The following TPD52L2 variants were observed in gnomAD, a reference collection of about 807,000 sequenced individuals.
TPD52L2 encodes tumor protein D54.
TPD52L2 carries 19 observed loss-of-function variants against 24.7 expected under a neutral mutation model. The ratio of observed to expected loss-of-function variants is 0.77; its 90% CI spans 0.54 to 1.13. TPD52L2 has a LOEUF of 1.13. TPD52L2 is among the 50% of genes most tolerant of loss of function. The pLI is 0.00. For missense variants in TPD52L2, 236 were observed against 250.4 expected (o/e 0.94, Z 0.39); for synonymous variants, 104 against 100.2 (o/e 1.04, Z -0.23).
chr20:63,870,624 C>T lies in TPD52L2; in HGVS notation c.165+1183C>T, dbSNP rs190779922. ...CTGCAACCTCCAACACCCGGGTTCA[C>T]GCCATTCTCCTGCCTCAGCCTCCTG... On this transcript the variant is annotated intron_variant, in intron 2 of 6. Transcript: ENST00000346249. Among the ~76,000 whole-genome samples, 1,036 of 146,104 alleles carry T rather than the reference C, an allele frequency of 7.1e-3. 3 individuals are homozygous for T. Among genetic ancestry groups the T allele is most frequent in the Middle Eastern group, 0.011 (3 of 280 alleles).
rs1336474095 is a variant in TPD52L2, at chr20:63,869,404, A to G, written c.128A>G (p.Glu43Gly). The G allele has an allele frequency of 6.2e-7, 1 of 1,614,186 alleles. No individual in the cohort carries two copies. Residue 43 changes from glutamate (E) to glycine (G), a missense_variant, in exon 2 of 7, where the codon GAG (glutamate) becomes GGG (glycine). Glu to Gly is a moderately conservative substitution (Grantham distance 98). Transcript: ENST00000346249. ...ARTPAVEGLTEAEEEELRAEL... is the reference protein window; with the variant it reads ...ARTPAVEGLTGAEEEELRAEL... ...ACTCCTGCTGTTGAGGGTCTGACAG[A>G]GGCTGAGGAGGAGGAGCTCAGGGCT...
At chr20:63,889,309 T>A (rs985931371) in intron 6 of TPD52L2, 71 bp downstream of exon 6, 3 of 1,347,614 alleles carry the variant, frequency 2.2e-6, no homozygotes, top group Admixed American at 1.8e-5. Context: ...TTATTATTAG[T>A]CATTTAGTTA....
At chr20:63,870,189 C>T (rs1207728901) in intron 2 of TPD52L2, among the ~76,000 whole-genome samples, 1 of 152,160 alleles carries the variant, frequency 6.6e-6, no homozygotes, top group Non-Finnish European at 1.5e-5. Flanking sequence ...AGTGAGAGTC[C>T]CTTAAGAGTA....
intron 3 of TPD52L2, among the ~76,000 whole-genome samples, chr20:63,875,231 G>A (rs1378997789): frequency 1.3e-5 from 2 of 151,578 alleles, no homozygotes; most frequent in Non-Finnish European, 2.9e-5. Context: ...CGATGACGAC[G>A]TGGTCCTACA....
intron 1 of TPD52L2, 135 bp downstream of exon 1, chr20:63,865,519 C>A: frequency 8.5e-7 from 1 of 1,180,934 alleles, no homozygotes; most frequent in Non-Finnish European, 1.1e-6. Context: ...CTTCAGCTCC[C>A]GGGGCCACTG....
chr20:63,867,463 G>A (rs2052295030), intron 1 of TPD52L2, among the ~76,000 whole-genome samples: 1 of 152,130 alleles, frequency 6.6e-6, no homozygotes, highest in South Asian at 2.1e-4. Flanking sequence ...CTACTTGGGA[G>A]GCTGAGGCAG....
chr20:63,867,658 TC>T (rs2052304306), intron 1 of TPD52L2, among the ~76,000 whole-genome samples: 1 of 152,150 alleles, frequency 6.6e-6, no homozygotes, highest in East Asian at 1.9e-4. Context: ...ACGGCTCCAG[TC>T]CTATGGGACA....
intron 4 of TPD52L2, among the ~76,000 whole-genome samples, chr20:63,879,740 A>G (rs1455035914): frequency 1.2e-4 from 13 of 106,198 alleles, no homozygotes; most frequent in Non-Finnish European, 1.7e-4. Context: ...CCCACTCTTT[A>G]GGCACAAATG....
intron 2 of TPD52L2, among the ~76,000 whole-genome samples, chr20:63,872,438 CA>C (rs1395879763): frequency 1.3e-5 from 2 of 152,122 alleles, no homozygotes; most frequent in Non-Finnish European, 2.9e-5. Context: ...AGTGCAGTGG[CA>C]TGATCTCGGC....
chr20:63,886,106 G>T lies in TPD52L2; in HGVS notation c.477-3084G>T. On this transcript the variant is annotated intron_variant, in intron 5 of 6. Transcript: ENST00000346249. ...TCTGAATTGGGGCAGGGTGGACTCC[G>T]GCAGGGCCCTTGGGCGGCTGTGCTA... The T allele has an allele frequency of 2.6e-6, 4 of 1,547,832 alleles. No homozygotes were observed. In the South Asian group the frequency reaches 4.5e-5, roughly 17 times the overall value.
At chr20:63,872,786 C>G (rs561532695) in intron 2 of TPD52L2, among the ~76,000 whole-genome samples, 21 of 152,034 alleles carry the variant, frequency 1.4e-4, no homozygotes, top group Non-Finnish European at 2.9e-4. Context: ...CACCCGCAAG[C>G]TCTGCCTCCT....
intron 4 of TPD52L2, among the ~76,000 whole-genome samples, chr20:63,876,378 C>T (rs2052677104): frequency 1.3e-5 from 2 of 152,150 alleles, no homozygotes; most frequent in Admixed American, 6.5e-5. Context: ...TTGAAATCCT[C>T]ACGATCTGGG....
At chr20:63,885,542 T>C (rs1025705471) in intron 5 of TPD52L2, among the ~76,000 whole-genome samples, 5 of 152,192 alleles carry the variant, frequency 3.3e-5, no homozygotes, top group Non-Finnish European at 5.9e-5. Flanking sequence ...CCTCCCACGG[T>C]GCGTGTGCTC....
chr20:63,882,649 C>T, intron 4 of TPD52L2, 70 bp from the exon 5 acceptor site: 1 of 1,276,134 alleles, frequency 7.8e-7, no homozygotes, highest in Non-Finnish European at 1.1e-6. Flanking sequence ...GCTCCCAGTG[C>T]TTTGTTTGCT....
At chr20:63,889,708 G>A (rs527856922) in intron 6 of TPD52L2, 142 bp from the exon 7 acceptor site, 9 of 760,474 alleles carry the variant, frequency 1.2e-5, no homozygotes, top group East Asian at 5.4e-5. Context: ...GCTGGTGCCC[G>A]TCCGTGATTT....
intron 3 of TPD52L2, among the ~76,000 whole-genome samples, chr20:63,874,492 A>G (rs1171014498): frequency 2.1e-5 from 3 of 139,968 alleles, no homozygotes; most frequent in South Asian, 2.3e-4. Flanking sequence ...TCCCAACTCA[A>G]CCCCCCTCGT....
At chr20:63,867,469 G>A (rs2052295219) in intron 1 of TPD52L2, among the ~76,000 whole-genome samples, 1 of 152,090 alleles carries the variant, frequency 6.6e-6, no homozygotes, top group Non-Finnish European at 1.5e-5. Context: ...GGGAGGCTGA[G>A]GCAGGAGAAT....
In TPD52L2 at chr20:63,888,544, A is replaced by G. The variant is rs1466218187; in HGVS notation, c.477-646A>G. On this transcript the variant is annotated intron_variant, in intron 5 of 6. Coordinates refer to ENST00000346249, the MANE Select transcript of TPD52L2 (RefSeq NM_003288.4). ...ACTGCACAGACTTTTCATAACCTCA[A>G]TACGAGAGCCCGGGGTATCCCTGTA... The G allele has an allele frequency of 1.1e-3, 138 of 124,224 alleles. 1 individual carries two copies. The highest frequency in any genetic ancestry group is 1.2e-3 in the Admixed American group (15 of 12,190). The allele number at this position is 124,224 out of a possible 1,614,324, so 7.7% of individuals were successfully genotyped here. A position where few individuals can be genotyped will look rare whatever the true frequency, so the allele number is the denominator to read the frequency against.
At chr20:63,875,436 A>G (rs1288189932) in intron 3 of TPD52L2, among the ~76,000 whole-genome samples, 2 of 152,158 alleles carry the variant, frequency 1.3e-5, no homozygotes, top group Non-Finnish European at 1.5e-5. Flanking sequence ...CATTTCATAA[A>G]TCTCACATAT....
Sources: allele counts gnomAD v4.1 joint callset (sites outside exome capture counted in the v4.1 genomes callset), GRCh38; gene constraint gnomAD v4.1.1; transcripts MANE v1.5; gene names NCBI Gene and HGNC (gene_info 2026-07-23, HGNC 2026-07-21).